Variants in AGMO observed in about 807,000 individuals in gnomAD.
AGMO encodes glyceryl-ether monooxygenase.
A neutral mutation model predicts 60.2 loss-of-function variants in AGMO; 75 were observed. The observed-to-expected ratio is 1.25, with a 90% CI of 1.03 to 1.51. AGMO has a LOEUF of 1.51. Among genes scored for constraint, AGMO ranks in the 40% most tolerant of loss-of-function variants. AGMO has a pLI of 0.00. For missense variants in AGMO, 763 were observed against 525.5 expected (o/e 1.45, Z -4.42); for synonymous variants, 261 against 177.1 (o/e 1.47, Z -3.76).
intron 12 of AGMO, among the ~76,000 whole-genome samples, chr7:15,271,442 T>C (rs1783607994): frequency 6.6e-6 from 1 of 152,142 alleles, no homozygotes; most frequent in South Asian, 2.1e-4. Context: ...GTAAATGAGA[T>C]TGAGTTTTCA....
chr7:15,399,468 G>A (rs1351629673), intron 5 of AGMO, among the ~76,000 whole-genome samples: 2 of 152,142 alleles, frequency 1.3e-5, no homozygotes, highest in East Asian at 1.9e-4. Flanking sequence ...AAACTTCACA[G>A]AAACTTAAAA....
chr7:15,496,697 G>A (rs941738226), intron 3 of AGMO, among the ~76,000 whole-genome samples: 7 of 152,052 alleles, frequency 4.6e-5, no homozygotes, highest in Admixed American at 2.0e-4. Context: ...ATGTAATTTT[G>A]TCAACTTTTC....
intron 12 of AGMO, among the ~76,000 whole-genome samples, chr7:15,355,682 A>T (rs967995873): frequency 6.6e-6 from 1 of 152,112 alleles, no homozygotes; most frequent in Admixed American, 6.6e-5. Context: ...TATGGAAAAA[A>T]TTGATGTCTA....
intron 12 of AGMO, among the ~76,000 whole-genome samples, chr7:15,276,325 T>A (rs1397884151): frequency 6.8e-6 from 1 of 147,712 alleles, no homozygotes; most frequent in African/African-American, 2.5e-5. Context: ...TCGACTGGCA[T>A]TTTTTTTTTT....
chr7:15,205,339 A>G (rs915434143), intron 12 of AGMO, among the ~76,000 whole-genome samples: 5 of 152,186 alleles, frequency 3.3e-5, no homozygotes, highest in African/African-American at 1.2e-4. Context: ...AGATAAGCTT[A>G]CAAATAAAAT....
chr7:15,283,826 G>A (rs2128519612), intron 12 of AGMO, among the ~76,000 whole-genome samples: 1 of 151,578 alleles, frequency 6.6e-6, no homozygotes, highest in Non-Finnish European at 1.5e-5. Context: ...CCATATGATA[G>A]GCCACAAAAC....
chr7:15,515,610 A>G (rs536320693), intron 3 of AGMO, among the ~76,000 whole-genome samples: 1 of 152,254 alleles, frequency 6.6e-6, no homozygotes, highest in Non-Finnish European at 1.5e-5. Flanking sequence ...TGAAGGCAAT[A>G]TCTGTCTCCA....
At chr7:15,409,651 C>T (rs1010896372) in intron 5 of AGMO, among the ~76,000 whole-genome samples, 2 of 151,852 alleles carry the variant, frequency 1.3e-5, no homozygotes, top group Non-Finnish European at 2.9e-5. Flanking sequence ...CTTTAATTAT[C>T]CTTCAGAGAT....
At chr7:15,549,554 T>C (rs1364656343) in intron 2 of AGMO, among the ~76,000 whole-genome samples, 3 of 150,600 alleles carry the variant, frequency 2.0e-5, no homozygotes, top group African/African-American at 7.4e-5. Context: ...CCAACAAAGA[T>C]CAAAAGAGAC....
At chr7:15,479,244 T>C (rs1227825466) in intron 3 of AGMO, among the ~76,000 whole-genome samples, 1 of 152,012 alleles carries the variant, frequency 6.6e-6, no homozygotes, top group African/African-American at 2.4e-5. Flanking sequence ...GAGTTGAAGG[T>C]GACAAAAGTA....
chr7:15,300,790 C>CA (rs779563127), intron 12 of AGMO, among the ~76,000 whole-genome samples: 7 of 151,820 alleles, frequency 4.6e-5, no homozygotes, highest in African/African-American at 9.7e-5. Context: ...ACTGCTTGTC[C>CA]AAAAAAAATG....
At chr7:15,205,614 A>G (rs1406368061) in intron 12 of AGMO, among the ~76,000 whole-genome samples, 3 of 152,166 alleles carry the variant, frequency 2.0e-5, no homozygotes, top group Admixed American at 6.6e-5. Flanking sequence ...TACTTTGTAA[A>G]GGAAGAAATT....
At position 15,493,365 on chromosome 7, in the gene AGMO, C is replaced by T. The variant is rs868347380; in HGVS notation, c.409+51407G>A. On this transcript the variant is annotated intron_variant, in intron 3 of 12. Transcript: ENST00000342526. ...CACACACACACACACACACACACTT[C>T]TTTTTTTTTTTTTTTTTTTTTTTTT... Among the ~76,000 whole-genome samples the T allele has an allele frequency of 3.0e-3, 200 of 66,530 alleles. 7 individuals carry two copies. The highest frequency in any genetic ancestry group is 0.022 in the Middle Eastern group (2 of 90). 43.6% of individuals were successfully genotyped at this position (66,530 alleles called of 152,430 possible).
chr7:15,466,396 T>G (rs1479180584), intron 3 of AGMO, among the ~76,000 whole-genome samples: 2 of 152,144 alleles, frequency 1.3e-5, no homozygotes, highest in African/African-American at 2.4e-5. Flanking sequence ...TTTAATGATA[T>G]AATGTAGTTA....
chr7:15,446,776 G>C (rs1011292484), intron 3 of AGMO, among the ~76,000 whole-genome samples: 2 of 152,128 alleles, frequency 1.3e-5, no homozygotes, highest in African/African-American at 4.8e-5. Context: ...TGCCTCGTTT[G>C]TTCTTTGTAA....
At chr7:15,172,914 C>G in the AGMO span, among the ~76,000 whole-genome samples, 1 of 152,146 alleles carries the variant, frequency 6.6e-6, no homozygotes, top group Non-Finnish European at 1.5e-5. Flanking sequence ...AAAAACCTTA[C>G]AATCACAAGT....
chr7:15,127,410 C>T, the AGMO span, among the ~76,000 whole-genome samples: 10 of 151,806 alleles, frequency 6.6e-5, no homozygotes, highest in South Asian at 2.1e-4. Flanking sequence ...TAGAACTTAA[C>T]GAGTAATACG....
intron 3 of AGMO, among the ~76,000 whole-genome samples, chr7:15,527,222 T>C (rs1394245358): frequency 6.6e-6 from 1 of 152,140 alleles, no homozygotes; most frequent in Non-Finnish European, 1.5e-5. Flanking sequence ...AGACCTCTTG[T>C]GGAAAGCAGC....
At chr7:15,234,074 T>C (rs1782343509) in intron 12 of AGMO, among the ~76,000 whole-genome samples, 1 of 151,738 alleles carries the variant, frequency 6.6e-6, no homozygotes, top group African/African-American at 2.4e-5. Context: ...TAACAAAAAA[T>C]ATTAGAGAAG....
Sources: gnomAD v4.1 joint callset for allele counts (sites outside exome capture counted in the v4.1 genomes callset) on GRCh38, gnomAD v4.1.1 for gene constraint, MANE v1.5 for transcripts, NCBI Gene and HGNC (gene_info 2026-07-23, HGNC 2026-07-21) for gene names.